ATG10: variants seen among roughly 807,000 people sequenced by gnomAD.
The protein encoded by ATG10 is autophagy related 10, also known as ubiquitin-like-conjugating enzyme ATG10.
In ATG10, 30 loss-of-function variants were observed where a neutral mutation model predicts 32.1. The ratio of observed to expected loss-of-function variants is 0.94; its 90% CI spans 0.70 to 1.27. ATG10 has a LOEUF of 1.27. ATG10 is among the 50% of genes most tolerant of loss of function. ATG10 has a pLI of 0.00. For missense variants in ATG10, 233 were observed against 262.3 expected (o/e 0.89, Z 0.77); for synonymous variants, 87 against 91.5 (o/e 0.95, Z 0.28).
intron 5 of ATG10, among the ~76,000 whole-genome samples, chr5:82,233,478 T>C: frequency 6.6e-6 from 1 of 152,376 alleles, no homozygotes; most frequent in South Asian, 2.1e-4. Context: ...AATTTTAAAA[T>C]GTGCCTCTGA....
At chr5:82,007,303 A>G (rs1762011372) in intron 2 of ATG10, among the ~76,000 whole-genome samples, 1 of 152,160 alleles carries the variant, frequency 6.6e-6, no homozygotes, top group Non-Finnish European at 1.5e-5. Context: ...TTACATTTTT[A>G]TTTCTGAAAT....
At chr5:82,212,292 TG>T in intron 5 of ATG10, among the ~76,000 whole-genome samples, 1 of 152,348 alleles carries the variant, frequency 6.6e-6, no homozygotes, top group South Asian at 2.1e-4. Context: ...CCCTTTCCAC[TG>T]CCAGCTCCCT....
At chr5:82,044,152 C>T (rs1763167642) in intron 2 of ATG10, among the ~76,000 whole-genome samples, 1 of 152,010 alleles carries the variant, frequency 6.6e-6, no homozygotes, top group South Asian at 2.1e-4. Flanking sequence ...ACTGGAAGGC[C>T]TGAGGAAACT....
chr5:82,144,278 TG>T (rs1767261417), intron 3 of ATG10, among the ~76,000 whole-genome samples: 1 of 143,628 alleles, frequency 7.0e-6, no homozygotes, highest in East Asian at 2.0e-4. Flanking sequence ...GAATCAGTTT[TG>T]GTTTTCTTAT....
At chr5:82,198,457 G>T (rs1744944164) in intron 5 of ATG10, among the ~76,000 whole-genome samples, 1 of 152,102 alleles carries the variant, frequency 6.6e-6, no homozygotes, top group South Asian at 2.1e-4. Flanking sequence ...GAGAGATGGG[G>T]TTTTGCTAGT....
chr5:81,985,267 A>G (rs1761224735), intron 1 of ATG10, among the ~76,000 whole-genome samples: 1 of 152,190 alleles, frequency 6.6e-6, no homozygotes, highest in Non-Finnish European at 1.5e-5. Context: ...TTGATTTGGT[A>G]TCTTTCAGTA....
At chr5:82,001,022 C>A (rs1761832769) in intron 2 of ATG10, among the ~76,000 whole-genome samples, 1 of 152,048 alleles carries the variant, frequency 6.6e-6, no homozygotes, top group South Asian at 2.1e-4. Context: ...GAATGCAGTC[C>A]CATTCACAGG....
At chr5:82,164,574 C>T (rs376217345) in intron 4 of ATG10, 37 bp downstream of exon 4, 12 of 1,538,332 alleles carry the variant, frequency 7.8e-6, no homozygotes, top group African/African-American at 1.4e-5. Context: ...AAATTTATAA[C>T]ATTTACATAT....
intron 1 of ATG10, among the ~76,000 whole-genome samples, chr5:81,983,644 ACCCT>A (rs1482751338): frequency 1.6e-5 from 2 of 126,314 alleles, no homozygotes; most frequent in Non-Finnish European, 3.3e-5. Context: ...GGGGGGGCTG[ACCCT>A]CCCACCTCCC....
intron 3 of ATG10, among the ~76,000 whole-genome samples, chr5:82,064,811 A>T (rs115365106): frequency 6.6e-6 from 1 of 152,282 alleles, no homozygotes; most frequent in East Asian, 1.9e-4. Flanking sequence ...TATAATAAAG[A>T]CAGCAGCCTA....
Position 82,141,266 on chromosome 5 carries a change from G to A in ATG10, c.217-23133G>A, listed in dbSNP as rs552264834. ...AAAAAAGAAAGTCGAGTAGGATATA[G>A]TAATTAATAACTTGTTACTTGAATT... On this transcript the variant is annotated intron_variant, in intron 3 of 7. Transcript: ENST00000282185. Among the ~76,000 whole-genome samples the A allele has an allele frequency of 7.9e-5, 12 of 151,360 alleles. 1 individual carries two copies. The highest frequency in any genetic ancestry group is 1.7e-4 in the African/African-American group (7 of 41,292).
intron 5 of ATG10, among the ~76,000 whole-genome samples, chr5:82,205,430 G>A (rs954782918): frequency 2.6e-5 from 4 of 152,092 alleles, no homozygotes; most frequent in African/African-American, 9.7e-5. Context: ...AAAACTGAAA[G>A]GAAAGACAGG....
intron 2 of ATG10, among the ~76,000 whole-genome samples, chr5:81,995,683 C>T (rs1761644568): frequency 6.6e-6 from 1 of 152,052 alleles, no homozygotes; most frequent in Non-Finnish European, 1.5e-5. Flanking sequence ...AAAGTACAGA[C>T]AAAAATGGTG....
At chr5:82,191,657 A>G (rs187703553) in intron 5 of ATG10, among the ~76,000 whole-genome samples, 1 of 152,310 alleles carries the variant, frequency 6.6e-6, no homozygotes, top group Admixed American at 6.5e-5. Context: ...GTCTTTAACC[A>G]TTATGTTTTA....
chr5:82,130,762 G>A (rs1186027464), intron 3 of ATG10, among the ~76,000 whole-genome samples: 4 of 152,096 alleles, frequency 2.6e-5, no homozygotes, highest in Non-Finnish European at 5.9e-5. Flanking sequence ...ATCTCACTGG[G>A]AGCTGCAGAC....
intron 5 of ATG10, among the ~76,000 whole-genome samples, chr5:82,179,231 C>G (rs1744144812): frequency 6.6e-6 from 1 of 152,092 alleles, no homozygotes; most frequent in Non-Finnish European, 1.5e-5. Context: ...CTGGACCATC[C>G]TAAGTCTGGG....
intron 4 of ATG10, among the ~76,000 whole-genome samples, chr5:82,171,504 G>C (rs1743807680): frequency 2.0e-5 from 3 of 152,184 alleles, no homozygotes; most frequent in South Asian, 4.1e-4. Flanking sequence ...CTTATTGAAG[G>C]GTAGATCGTA....
At position 82,139,778 on chromosome 5, in the gene ATG10, C is replaced by T. The variant is rs867346081; in HGVS notation, c.217-24621C>T. Among the ~76,000 whole-genome samples the T allele has an allele frequency of 4.2e-3, 568 of 135,380 alleles. 9 individuals carry two copies. Among genetic ancestry groups the T allele is most frequent in the African/African-American group, 0.015 (521 of 35,652 alleles). 88.8% of individuals were successfully genotyped at this position (135,380 alleles called of 152,430 possible). ...GAGGCGAGGGGCGCCTCTGCCCGGC[C>T]GCCCCTACTGGGAAGTGAGGAGCCC... On this transcript the variant is annotated intron_variant, in intron 3 of 7. Coordinates refer to ENST00000282185, the MANE Select transcript of ATG10 (RefSeq NM_031482.5).
intron 3 of ATG10, among the ~76,000 whole-genome samples, chr5:82,100,926 T>C (rs779000477): frequency 3.3e-5 from 5 of 152,036 alleles, no homozygotes; most frequent in Admixed American, 6.6e-5. Flanking sequence ...TCAGATTACA[T>C]CTGGTGGATT....
Sources: gnomAD v4.1 joint callset for allele counts (sites outside exome capture counted in the v4.1 genomes callset) on GRCh38, gnomAD v4.1.1 for gene constraint, MANE v1.5 for transcripts, NCBI Gene and HGNC (gene_info 2026-07-23, HGNC 2026-07-21) for gene names.